The following HHATL variants were observed in gnomAD, a reference collection of about 807,000 sequenced individuals.
HHATL encodes hedgehog acyltransferase like.
In HHATL, 49 loss-of-function variants were observed where a neutral mutation model predicts 59.7. That is an observed-to-expected ratio of 0.82 (90% CI 0.65 to 1.04). HHATL has a LOEUF of 1.04. HHATL is among the 50% of genes least tolerant of loss of function. HHATL has a pLI of 0.00. For missense variants in HHATL, 605 were observed against 650.8 expected (o/e 0.93, Z 0.77); for synonymous variants, 238 against 257.3 (o/e 0.93, Z 0.72).
intron 9 of HHATL, among the ~76,000 whole-genome samples, chr3:42,695,416 C>G (rs1459777324): frequency 6.6e-6 from 1 of 152,224 alleles, no homozygotes; most frequent in East Asian, 1.9e-4. Flanking sequence ...CAGCTACACC[C>G]AGGCAGCTAA....
rs752426856 is a variant in HHATL at position 42,697,015 on chromosome 3, G to A, written c.996C>T (p.Tyr332=). ...PQPPKCITAL[Y]VFAETHFDRG... is the part of the protein sequence containing the mutation. ...CCAGCACTCACGTTTCCGCAAAGACGTAGAGTGCGGTGATGCACTTGGGAG... is the reference window on the plus strand; with the variant it reads ...CCAGCACTCACGTTTCCGCAAAGACATAGAGTGCGGTGATGCACTTGGGAG... Residue 332 remains tyrosine (Y), a synonymous_variant, in exon 8 of 12, where the codon TAC becomes TAT. Coordinates refer to ENST00000441594, the MANE Select transcript of HHATL (RefSeq NM_020707.4). 16 of 1,605,738 alleles carry A rather than the reference G, an allele frequency of 1.0e-5. No homozygotes were observed. The highest frequency in any genetic ancestry group is 6.7e-5 in the East Asian group (3 of 44,804).
chr3:42,699,007 G>A, intron 4 of HHATL, 25 bp downstream of exon 4: 7 of 1,611,744 alleles, frequency 4.3e-6, no homozygotes, highest in African/African-American at 1.3e-5. Flanking sequence ...GCAGGGAGAG[G>A]CTGGGTGGCC....
At chr3:42,697,701 G>C in intron 6 of HHATL, 22 bp from the exon 7 acceptor site, 1 of 1,606,584 alleles carries the variant, frequency 6.2e-7, no homozygotes, top group Non-Finnish European at 8.5e-7. Context: ...CGAAGGGTCT[G>C]AGGGAAGAGG....
rs758399258 is a variant in HHATL, at chr3:42,698,788, A to G, written c.403T>C (p.Leu135=). The change falls in exon 5 of 12, where the codon TTG becomes CTG. Residue 135 remains leucine (L), a synonymous_variant. Transcript: ENST00000441594. ...CCAAGACAGAGCCAGGGCTGGCCCA[A>G]AAGCGAGGCCACATAGAGGCCCACA... ...HCVGLYVASL[L]GQPWLCLGLG... 1.2e-6 allele frequency: 2 copies of G among 1,613,092 alleles called. No individual in the cohort carries two copies. The highest frequency in any genetic ancestry group is 4.5e-5 in the East Asian group (2 of 44,864).
At chr3:42,699,665 G>C (rs1189010444) in intron 3 of HHATL, 93 bp downstream of exon 3, 1 of 1,094,416 alleles carries the variant, frequency 9.1e-7, no homozygotes, top group Non-Finnish European at 1.3e-6. Flanking sequence ...CCCCAGAGCT[G>C]TGAGAAGCTC....
Position 42,696,964 on chromosome 3 carries a change from CA to C in HHATL, c.1010+36del, listed in dbSNP as rs768446653. On this transcript the variant is annotated intron_variant, in intron 8 of 11. Transcript: ENST00000441594. The stretch of plus-strand genomic sequence containing the variant: ...AAGAGGCTAGGGGAAGGTGTGGTCC[CA>C]GGGGGTGAGCCTCCCCCGTCCTGGC... The C allele has an allele frequency of 3.7e-5, 59 of 1,613,070 alleles. No individual in the cohort carries two copies. In the Admixed American group the frequency reaches 6.2e-4, roughly 17 times the overall value.
At chr3:42,700,697 C>T (rs1697928425) in intron 2 of HHATL, 24 bp downstream of exon 2, 1 of 1,544,488 alleles carries the variant, frequency 6.5e-7, no homozygotes, top group South Asian at 1.1e-5. Flanking sequence ...GTCCTGTCCA[C>T]CTGCCCCGGG....
intron 2 of HHATL, 75 bp from the exon 3 acceptor site, chr3:42,699,900 C>T (rs1697860764): frequency 7.8e-7 from 1 of 1,290,258 alleles, no homozygotes; most frequent in South Asian, 1.3e-5. Context: ...GACAAGGCTG[C>T]CCCACCCTGG....
Position 42,698,293 on chromosome 3 carries a change from C to A in HHATL, c.542G>T (p.Ser181Ile), listed in dbSNP as rs143853080. The A allele has an allele frequency of 6.9e-4, 1,113 of 1,614,022 alleles. 7 individuals are homozygous for A. The highest frequency in any genetic ancestry group is 5.2e-3 in the South Asian group (474 of 91,072). Residue 181 changes from serine to isoleucine, a missense_variant, in exon 6 of 12, where the codon AGC becomes ATC. Transcript: ENST00000441594. ...LQEVLFHGGS[S>I]FTVLRCTSFA... ...GCTGGTGCAACGCAGCACTGTGAAG[C>A]TGCTGCCCCCATGAAACAGCACCTC...
Position 42,699,049 on chromosome 3 carries a change from TGCAGAGTTTA to T in HHATL, c.261_270del (p.Lys88ArgfsTer20). On this transcript the variant is annotated frameshift_variant, in exon 4 of 12. Coordinates refer to ENST00000441594, the MANE Select transcript of HHATL (RefSeq NM_020707.4). LOFTEE classifies it high-confidence loss of function. Reference sequence around the variant, plus strand: ...CAGCTCACCTTTGGGGCAACCATCGTGCAGAGTTTAGCAAACAGCACATGTCCGGAGAGGG... The same window carrying T: ...CAGCTCACCTTTGGGGCAACCATCGTGCAAACAGCACATGTCCGGAGAGGG... The T allele has an allele frequency of 6.2e-7, 1 of 1,614,160 alleles. No homozygotes were observed. The highest frequency in any genetic ancestry group is 8.5e-7 in the Non-Finnish European group (1 of 1,180,004).
intron 3 of HHATL, among the ~76,000 whole-genome samples, 166 bp downstream of exon 3, chr3:42,699,592 G>A (rs561017842): frequency 2.3e-4 from 35 of 152,210 alleles, no homozygotes; most frequent in Non-Finnish European, 4.9e-4. Context: ...CAAACTTGAT[G>A]TCCCAGGAGG....
intron 9 of HHATL, among the ~76,000 whole-genome samples, chr3:42,695,912 C>A (rs1163157933): frequency 6.6e-6 from 1 of 152,172 alleles, no homozygotes; most frequent in East Asian, 1.9e-4. Flanking sequence ...AATAATTCTT[C>A]TTAGCATGTC....
In HHATL at chr3:42,693,065, CCT is replaced by C. The variant is rs756401064; in HGVS notation, c.1390+10_1390+11del. On this transcript the variant is annotated intron_variant, in intron 11 of 11. Coordinates refer to ENST00000441594, the MANE Select transcript of HHATL (RefSeq NM_020707.4). Reference sequence around the variant, plus strand: ...CTGGCACCTTCTGTATCCCCACACCCCTGTCCCTCACCTGTGAGTAGCAGGCG... The same window carrying C: ...CTGGCACCTTCTGTATCCCCACACCCGTCCCTCACCTGTGAGTAGCAGGCG... The C allele has an allele frequency of 2.5e-6, 4 of 1,614,120 alleles. No homozygotes were observed. In the Admixed American group the frequency reaches 5.0e-5, roughly 20 times the overall value.
chr3:42,696,288 G>A (rs560155942), intron 9 of HHATL, among the ~76,000 whole-genome samples: 2 of 152,134 alleles, frequency 1.3e-5, no homozygotes, highest in South Asian at 2.1e-4. Context: ...CTTGCAGGCT[G>A]AATCTCGGCC....
Position 42,698,895 on chromosome 3 carries a change from G to A in HHATL, c.296C>T (p.Ser99Phe). Reference protein sequence around the residue: ...LCTMVAPKLRSWMYAVYGALA... With the variant: ...LCTMVAPKLRFWMYAVYGALA... ...GGCCCCGTACACAGCATACATCCAG[G>A]AGCGGAGCTGTGGGCAGGGAGAAGG... Residue 99 changes from serine to phenylalanine, a missense_variant, in exon 5 of 12, where the codon TCC (serine) becomes TTC (phenylalanine). Physicochemically the swap from Ser to Phe is radical, Grantham distance 155 (BLOSUM62 -2). Transcript: ENST00000441594. 3.1e-6 allele frequency: 5 copies of A among 1,607,582 alleles called. No individual in the cohort carries two copies. The highest frequency in any genetic ancestry group is 3.4e-6 in the Non-Finnish European group (4 of 1,176,690).
intron 9 of HHATL, among the ~76,000 whole-genome samples, chr3:42,694,721 T>G (rs565359469): frequency 6.6e-6 from 1 of 152,276 alleles, no homozygotes; most frequent in South Asian, 2.1e-4. Context: ...TTGCCCTTGT[T>G]GTTCCCTCTA....
At chr3:42,698,064 A>G (rs1697719456) in intron 6 of HHATL, 78 bp downstream of exon 6, 2 of 1,408,702 alleles carry the variant, frequency 1.4e-6, no homozygotes, top group Admixed American at 3.4e-5. Flanking sequence ...TGCTTGGGGA[A>G]TTCTATCTGA....
Position 42,692,882 on chromosome 3 carries a change from G to T in HHATL, c.1391-7C>A. The T allele has an allele frequency of 1.2e-6, 2 of 1,613,772 alleles. No individual in the cohort carries two copies. Among genetic ancestry groups the T allele is most frequent in the Non-Finnish European group, 1.7e-6 (2 of 1,179,666 alleles). Reference sequence around the variant, plus strand: ...AGCGTGGTCTGGGGGAACCCTGTGTGGGGAGGGAGTCATAGATGCTCAGGA... The same window carrying T: ...AGCGTGGTCTGGGGGAACCCTGTGTTGGGAGGGAGTCATAGATGCTCAGGA... On this transcript the variant is annotated splice_region_variant and splice_polypyrimidine_tract_variant and intron_variant, in intron 11 of 11. Transcript: ENST00000441594.
In HHATL at chr3:42,698,160, A is replaced by G. The variant is rs376309340; in HGVS notation, c.675T>C (p.Phe225=). The G allele has an allele frequency of 6.2e-7, 1 of 1,614,060 alleles. No individual in the cohort carries two copies. Among genetic ancestry groups the G allele is most frequent in the African/African-American group, 1.3e-5 (1 of 74,924 alleles). Residue 225 remains phenylalanine (F), a synonymous_variant, in exon 6 of 12, where the codon TTT becomes TTC. Coordinates refer to ENST00000441594, the MANE Select transcript of HHATL (RefSeq NM_020707.4). ...CCCTCACCTGAGCATGGAAGCGATC[A>G]AAGGTCATGATGGGCCCGAAGAAGA... is the stretch of plus-strand genomic sequence containing the variant. The part of the protein sequence containing the change: ...PFFFFGPIMT[F]DRFHAQVSQV...
Sources: gnomAD v4.1 joint callset for allele counts (sites outside exome capture counted in the v4.1 genomes callset) on GRCh38, gnomAD v4.1.1 for gene constraint, MANE v1.5 for transcripts, NCBI Gene and HGNC (gene_info 2026-07-23, HGNC 2026-07-21) for gene names.